UBE2O: variants seen among roughly 807,000 people sequenced by gnomAD.
UBE2O encodes the protein (E3-independent) E2 ubiquitin-conjugating enzyme.
A neutral mutation model predicts 125.8 loss-of-function variants in UBE2O; 15 were observed. The observed-to-expected ratio is 0.12, with a 90% CI of 0.08 to 0.18. UBE2O has a LOEUF of 0.18. UBE2O is among the 10% of genes least tolerant of loss of function. The probability of loss-of-function intolerance (pLI) is 1.00; values close to 1 mark genes in which losing one functional copy is unlikely to be tolerated. For missense variants in UBE2O, 1,280 were observed against 1,723.6 expected (o/e 0.74, Z 4.56); for synonymous variants, 708 against 703.2 (o/e 1.01, Z -0.11).
At chr17:76,437,556 G>A (rs1413262367) in intron 1 of UBE2O, among the ~76,000 whole-genome samples, 1 of 152,106 alleles carries the variant, frequency 6.6e-6, no homozygotes, top group Non-Finnish European at 1.5e-5. Flanking sequence ...AAAAGTGTAT[G>A]GTTTAGATAA....
chr17:76,420,997 G>T (rs927112012), intron 1 of UBE2O, among the ~76,000 whole-genome samples: 1 of 152,184 alleles, frequency 6.6e-6, no homozygotes, highest in Non-Finnish European at 1.5e-5. Flanking sequence ...TCTAAGCCAA[G>T]ATTTCCAACA....
intron 1 of UBE2O, among the ~76,000 whole-genome samples, chr17:76,411,746 C>T (rs2072520234): frequency 2.0e-5 from 3 of 152,272 alleles, no homozygotes; most frequent in South Asian, 2.1e-4. Context: ...AGGGCAGTGG[C>T]GCAAGCAGGG....
At chr17:76,428,421 G>A (rs553287301) in intron 1 of UBE2O, among the ~76,000 whole-genome samples, 1 of 152,014 alleles carries the variant, frequency 6.6e-6, no homozygotes, top group East Asian at 1.9e-4. Context: ...GGGAGCCTTC[G>A]TCAACTTCAA....
intron 1 of UBE2O, among the ~76,000 whole-genome samples, chr17:76,407,701 C>T (rs796602054): frequency 3.9e-5 from 6 of 152,288 alleles, no homozygotes; most frequent in African/African-American, 1.4e-4. Context: ...GAGGCTGAAG[C>T]AGAAAAAAAC....
chr17:76,415,895 G>A (rs572364302), intron 1 of UBE2O, among the ~76,000 whole-genome samples: 30 of 146,998 alleles, frequency 2.0e-4, no homozygotes, highest in South Asian at 1.5e-3. Context: ...GTACATACAC[G>A]TATATACAAA....
At chr17:76,392,383 A>G (rs2072128554) in intron 15 of UBE2O, among the ~76,000 whole-genome samples, 1 of 152,064 alleles carries the variant, frequency 6.6e-6, no homozygotes, top group Middle Eastern at 3.4e-3. Context: ...GGCTCACTGC[A>G]GCCTCCCAAG....
chr17:76,444,470 G>A (rs2073124073), intron 1 of UBE2O, among the ~76,000 whole-genome samples: 1 of 152,184 alleles, frequency 6.6e-6, no homozygotes, highest in Non-Finnish European at 1.5e-5. Context: ...CCAGGAGGCG[G>A]AGGCTGCAGT....
intron 1 of UBE2O, among the ~76,000 whole-genome samples, chr17:76,449,602 C>T (rs2143930227): frequency 1.3e-5 from 2 of 151,808 alleles, no homozygotes; most frequent in South Asian, 4.2e-4. Flanking sequence ...CAAAAATTTT[C>T]AATAGGTAGC....
Position 76,405,317 on chromosome 17 carries a change from C to A in UBE2O, c.478-1G>T. ...CGATCACCGTGCCACACTGACTGTC[C>A]TGGGGGAGGGAGGAGACATGCAAGT... On this transcript the variant is annotated splice_acceptor_variant, in intron 2 of 17. Coordinates refer to ENST00000319380, the MANE Select transcript of UBE2O (RefSeq NM_022066.4). LOFTEE classifies it high-confidence loss of function. The surrounding 1 kb of genome is among the most constrained non-coding windows in gnomAD (Gnocchi z 6.1). The A allele has an allele frequency of 6.2e-7, 1 of 1,607,302 alleles. No individual in the cohort carries two copies. Among genetic ancestry groups the A allele is most frequent in the South Asian group, 1.1e-5 (1 of 90,676 alleles).
At chr17:76,413,389 G>C (rs2072548557) in intron 1 of UBE2O, among the ~76,000 whole-genome samples, 1 of 152,040 alleles carries the variant, frequency 6.6e-6, no homozygotes, top group Non-Finnish European at 1.5e-5. Flanking sequence ...TTCAAACCAT[G>C]TGTTGTGACC....
intron 1 of UBE2O, among the ~76,000 whole-genome samples, chr17:76,421,434 C>A (rs1320650819): frequency 6.6e-6 from 1 of 151,928 alleles, no homozygotes; most frequent in African/African-American, 2.4e-5. Flanking sequence ...ATGGCGTGAT[C>A]TCGGCACACC....
rs2072384159 is a variant in UBE2O at position 76,404,568 on chromosome 17, T to A, written c.588+638A>T. The stretch of plus-strand genomic sequence containing the variant: ...GGATCCGCAAAGAAGAAAAGAGTAG[T>A]GTTGGGACAACTGCATGTGGTCTGT... On this transcript the variant is annotated intron_variant, in intron 3 of 17. Coordinates refer to ENST00000319380, the MANE Select transcript of UBE2O (RefSeq NM_022066.4). This position sits in a 1 kb window ranked among gnomAD's most constrained non-coding sequence, Gnocchi z 4.3. Among the ~76,000 whole-genome samples the A allele has an allele frequency of 1.3e-5, 2 of 152,256 alleles. No individual in the cohort carries two copies. The highest frequency in any genetic ancestry group is 4.8e-5 in the African/African-American group (2 of 41,470).
intron 1 of UBE2O, among the ~76,000 whole-genome samples, chr17:76,428,195 C>G (rs1416029411): frequency 6.6e-6 from 1 of 152,224 alleles, no homozygotes; most frequent in East Asian, 1.9e-4. Flanking sequence ...CATTCCCAGT[C>G]TTTTGTATGT....
In UBE2O at chr17:76,396,774, C is replaced by T. The variant is rs1382075512; in HGVS notation, c.2163G>A (p.Ser721=). ...ATGCCCCGCTGGTGCTGCCTTCTACCGAATCGTAGTCTGACTCCTCAATCT... is the reference window on the plus strand; with the variant it reads ...ATGCCCCGCTGGTGCTGCCTTCTACTGAATCGTAGTCTGACTCCTCAATCT... ...ESEIEESDYD[S]VEGSTSGASS... The change falls in exon 14 of 18, where the codon TCG becomes TCA. Residue 721 remains serine, a synonymous_variant. Transcript: ENST00000319380. This position sits in a 1 kb window ranked among gnomAD's most constrained non-coding sequence, Gnocchi z 6.7. 11 of 1,611,888 alleles carry T rather than the reference C, an allele frequency of 6.8e-6. No individual in the cohort carries two copies. The highest frequency in any genetic ancestry group is 6.7e-5 in the African/African-American group (5 of 74,870).
In UBE2O at chr17:76,390,957, T is replaced by A; in HGVS notation, c.3865A>T (p.Thr1289Ser). Residue 1289 changes from threonine to serine, a missense_variant, in exon 18 of 18, where the codon ACA (threonine) becomes TCA (serine). Physicochemically the swap from Thr to Ser is moderately conservative, Grantham distance 58 (BLOSUM62 1). Transcript: ENST00000319380. ...GTGCCTGGCAGCTACTTGTCCTCTG[T>A]GCACTCCGGCATGCCTGCCTCTAGC... ...ALLEAGMPEC[T>S]EDK The A allele has an allele frequency of 6.2e-7, 1 of 1,608,494 alleles. No individual in the cohort carries two copies. The highest frequency in any genetic ancestry group is 8.5e-7 in the Non-Finnish European group (1 of 1,177,428).
At chr17:76,414,039 T>A (rs560429295) in intron 1 of UBE2O, among the ~76,000 whole-genome samples, 1 of 152,188 alleles carries the variant, frequency 6.6e-6, no homozygotes, top group Non-Finnish European at 1.5e-5. Context: ...TTGACCATCA[T>A]GTGGCTGAGC....
chr17:76,395,526 A>C lies in UBE2O; in HGVS notation c.2946+199T>G, dbSNP rs985173786. On this transcript the variant is annotated intron_variant, in intron 15 of 17. Coordinates refer to ENST00000319380, the MANE Select transcript of UBE2O (RefSeq NM_022066.4). The surrounding 1 kb of genome is among the most constrained non-coding windows in gnomAD (Gnocchi z 5.0). ...ATTTTTTAAAGGAGGGAGGAAAGAAAGAACCATCTGGCCTGGACACACGGC... is the reference window on the plus strand; with the variant it reads ...ATTTTTTAAAGGAGGGAGGAAAGAACGAACCATCTGGCCTGGACACACGGC... 3.9e-5 allele frequency: 21 copies of C among 544,228 alleles called. No individual in the cohort carries two copies. The highest frequency in any genetic ancestry group is 1.2e-4 in the South Asian group (4 of 32,500). The allele number at this position is 544,228 out of a possible 1,614,324, so 33.7% of individuals were successfully genotyped here. A position where few individuals can be genotyped will look rare whatever the true frequency, so the allele number is the denominator to read the frequency against.
Position 76,452,801 on chromosome 17 carries a change from G to C in UBE2O, c.341C>G (p.Ala114Gly). 6.6e-7 allele frequency: 1 copy of C among 1,522,822 alleles called. No homozygotes were observed. The highest frequency in any genetic ancestry group is 8.8e-7 in the Non-Finnish European group (1 of 1,139,376). The allele number at this position is 1,522,822 out of a possible 1,614,324, so 94.3% of individuals were successfully genotyped here. A position where few individuals can be genotyped will look rare whatever the true frequency, so the allele number is the denominator to read the frequency against. The change falls in exon 1 of 18, where the codon GCC (alanine) becomes GGC (glycine). Residue 114 changes from alanine to glycine, a missense_variant. Physicochemically the swap from Ala to Gly is moderately conservative, Grantham distance 60. This residue lies in a region of UBE2O where 188 missense variants were observed against 192.5 expected (regional missense o/e 0.98). Transcript: ENST00000319380. The surrounding 1 kb of genome is among the most constrained non-coding windows in gnomAD (Gnocchi z 4.4). ...CACGTAGCCGCGGCGCAGGGGGCTG[G>C]CCCGGCCCTCCTCGTGGCCCGCGCC... is the stretch of plus-strand genomic sequence containing the variant. ...AGGAGHEEGR[A>G]SPLRRGYVRV...
chr17:76,425,382 C>A (rs959681865), intron 1 of UBE2O, among the ~76,000 whole-genome samples: 4 of 151,636 alleles, frequency 2.6e-5, no homozygotes, highest in African/African-American at 9.7e-5. Flanking sequence ...AAACATAGTA[C>A]TAAAAGGCTT....
Sources: allele counts gnomAD v4.1 joint callset (sites outside exome capture counted in the v4.1 genomes callset), GRCh38; gene constraint gnomAD v4.1.1; regional missense constraint gnomAD v4.1.1; non-coding constraint Gnocchi (gnomAD v3.1); transcripts MANE v1.5; gene names NCBI Gene and HGNC (gene_info 2026-07-23, HGNC 2026-07-21).